SOCS5: variants seen among roughly 807,000 people sequenced by gnomAD.
The protein encoded by SOCS5 is suppressor of cytokine signaling 5, also known as CIS-6.
SOCS5 carries 32 observed loss-of-function variants against 42.8 expected under a neutral mutation model. The observed-to-expected ratio is 0.75, with a 90% CI of 0.56 to 1.01. The LOEUF (loss-of-function observed/expected upper bound fraction) is 1.01. SOCS5 is among the 50% of genes least tolerant of loss of function. The pLI is 0.00. For missense variants in SOCS5, 627 were observed against 653.0 expected (o/e 0.96, Z 0.43); for synonymous variants, 283 against 229.6 (o/e 1.23, Z -2.10).
intron 1 of SOCS5, among the ~76,000 whole-genome samples, chr2:46,744,828 G>A (rs1472711839): frequency 3.3e-5 from 5 of 151,314 alleles, no homozygotes; most frequent in Non-Finnish European, 7.4e-5. Context: ...GCGCCCGGCT[G>A]TAATCGAGAT....
At chr2:46,747,878 A>G (rs1196612367) in intron 1 of SOCS5, among the ~76,000 whole-genome samples, 1 of 152,230 alleles carries the variant, frequency 6.6e-6, no homozygotes, top group Non-Finnish European at 1.5e-5. Flanking sequence ...GAATATTTAA[A>G]AAATCTTTTC....
At chr2:46,732,473 C>T (rs1021949270) in intron 1 of SOCS5, among the ~76,000 whole-genome samples, 1 of 152,164 alleles carries the variant, frequency 6.6e-6, no homozygotes, top group Non-Finnish European at 1.5e-5. Flanking sequence ...CCAGAAAACT[C>T]CTATGTAGTT....
Position 46,759,802 on chromosome 2 carries a change from A to G in SOCS5, c.1272A>G (p.Arg424=), listed in dbSNP as rs1438666065. ...CTGTGAGCTTCCGCCGCTACAACAGATCCCTGCATGCCCGAATTGAGCAGT... is the reference window on the plus strand; with the variant it reads ...CTGTGAGCTTCCGCCGCTACAACAGGTCCCTGCATGCCCGAATTGAGCAGT... The part of the protein sequence containing the change: ...LFSVSFRRYN[R]SLHARIEQWN... The change falls in exon 2 of 2, where the codon AGA becomes AGG. Residue 424 remains arginine, a synonymous_variant. Transcript: ENST00000394861. The G allele has an allele frequency of 2.5e-6, 4 of 1,614,070 alleles. No individual in the cohort carries two copies. Among genetic ancestry groups the G allele is most frequent in the Non-Finnish European group, 2.5e-6 (3 of 1,180,008 alleles).
chr2:46,733,568 CAAAAAAAAAAAAGAA>C (rs1673175773), intron 1 of SOCS5, among the ~76,000 whole-genome samples: 1 of 58,460 alleles, frequency 1.7e-5, no homozygotes, highest in Non-Finnish European at 3.4e-5. Context: ...GACCCTGTCT[CAAAAAAAAAAAAGAA>C]AAAAAAAAAA....
intron 1 of SOCS5, among the ~76,000 whole-genome samples, chr2:46,712,055 G>A (rs1421735183): frequency 6.6e-6 from 1 of 151,900 alleles, no homozygotes; most frequent in Non-Finnish European, 1.5e-5. Flanking sequence ...CTTTTTTTAG[G>A]TATTGTACAT....
chr2:46,736,842 AT>A (rs113762422), intron 1 of SOCS5, among the ~76,000 whole-genome samples: 28,705 of 146,850 alleles, frequency 0.2, 3,002 homozygotes, highest in East Asian at 0.43. Flanking sequence ...TGGATTTCAG[AT>A]TTTTTTTTTT....
chr2:46,715,079 C>G (rs1023027327), intron 1 of SOCS5, among the ~76,000 whole-genome samples: 65 of 152,062 alleles, frequency 4.3e-4, no homozygotes, highest in African/African-American at 1.4e-3. Flanking sequence ...AGGCAGTTAC[C>G]TTTTCAAGCA....
In SOCS5 at chr2:46,714,218, A is replaced by G. The variant is rs148920731; in HGVS notation, c.-13+14769A>G. Reference sequence around the variant, plus strand: ...TGATTTTCTGTCTGTGGTTCTGTCAACTATTGTGAGAGGAGGGTTGAAGTT... The same window carrying G: ...TGATTTTCTGTCTGTGGTTCTGTCAGCTATTGTGAGAGGAGGGTTGAAGTT... On this transcript the variant is annotated intron_variant, in intron 1 of 1. Coordinates refer to ENST00000394861, the MANE Select transcript of SOCS5 (RefSeq NM_144949.3). Among the ~76,000 whole-genome samples, 607 of 152,288 alleles carry G rather than the reference A, an allele frequency of 4.0e-3. 3 individuals carry two copies. Among genetic ancestry groups the G allele is most frequent in the African/African-American group, 0.014 (577 of 41,566 alleles).
intron 1 of SOCS5, among the ~76,000 whole-genome samples, chr2:46,707,847 T>C (rs967688216): frequency 6.6e-6 from 1 of 152,224 alleles, no homozygotes; most frequent in African/African-American, 2.4e-5. Context: ...ATGCATTTAA[T>C]ATGCCTAACC....
intron 1 of SOCS5, among the ~76,000 whole-genome samples, chr2:46,725,490 C>G (rs991472205): frequency 6.6e-6 from 1 of 151,980 alleles, no homozygotes; most frequent in Non-Finnish European, 1.5e-5. Context: ...TTTTAGTACT[C>G]TATTTTAACA....
At chr2:46,728,333 C>T (rs553995942) in intron 1 of SOCS5, among the ~76,000 whole-genome samples, 1 of 152,222 alleles carries the variant, frequency 6.6e-6, no homozygotes, top group Admixed American at 6.5e-5. Context: ...AGTGTTTTTA[C>T]TCTATCTTGG....
intron 1 of SOCS5, among the ~76,000 whole-genome samples, chr2:46,727,249 C>T (rs558860279): frequency 4.0e-5 from 6 of 148,680 alleles, no homozygotes; most frequent in Non-Finnish European, 7.4e-5. Context: ...CCCGGGTTCA[C>T]GCCATTCTCC....
chr2:46,739,025 T>C (rs1038438374), intron 1 of SOCS5, among the ~76,000 whole-genome samples: 2 of 152,268 alleles, frequency 1.3e-5, no homozygotes. Context: ...TTGAACTATT[T>C]AACACGTTTA....
intron 1 of SOCS5, among the ~76,000 whole-genome samples, chr2:46,753,843 A>T (rs1294534780): frequency 6.6e-6 from 1 of 152,164 alleles, no homozygotes; most frequent in Non-Finnish European, 1.5e-5. Context: ...GGCATTTATA[A>T]GCTGTCATGG....
chr2:46,723,175 A>AT (rs1009453806), intron 1 of SOCS5, among the ~76,000 whole-genome samples: 10 of 151,614 alleles, frequency 6.6e-5, no homozygotes, highest in East Asian at 3.9e-4. Flanking sequence ...CCAGTTCATA[A>AT]TTTTTTTTTC....
intron 1 of SOCS5, among the ~76,000 whole-genome samples, chr2:46,722,651 G>A (rs1279844100): frequency 6.6e-6 from 1 of 152,056 alleles, no homozygotes; most frequent in Non-Finnish European, 1.5e-5. Context: ...TTTATATATG[G>A]GTTTTTGTGT....
intron 1 of SOCS5, among the ~76,000 whole-genome samples, chr2:46,726,801 G>T (rs1396225626): frequency 1.3e-5 from 2 of 150,986 alleles, no homozygotes; most frequent in African/African-American, 2.4e-5. Flanking sequence ...TTGTTGCCCA[G>T]GCTGGAGTGC....
At chr2:46,722,744 A>G (rs2103714607) in intron 1 of SOCS5, among the ~76,000 whole-genome samples, 1 of 152,242 alleles carries the variant, frequency 6.6e-6, no homozygotes, top group East Asian at 1.9e-4. Context: ...TAACTTTATC[A>G]AGAGTTGCCA....
chr2:46,761,610 T>C lies in SOCS5; in HGVS notation c.*1469T>C, dbSNP rs1365416729. 4.8e-5 allele frequency: 8 copies of C among 167,046 alleles called. No homozygotes were observed. Among genetic ancestry groups the C allele is most frequent in the Admixed American group, 4.6e-4 (7 of 15,284 alleles). 10.3% of individuals were successfully genotyped at this position (167,046 alleles called of 1,614,324 possible). ...TAATAAAGTATGTTTGGTGTTCTCC[T>C]TGTATATCTGCTGTTTTATACATTT... is the stretch of plus-strand genomic sequence containing the variant. On this transcript the variant is annotated 3_prime_UTR_variant, in exon 2 of 2. Coordinates refer to ENST00000394861, the MANE Select transcript of SOCS5 (RefSeq NM_144949.3).
Sources: gnomAD v4.1 joint callset for allele counts (sites outside exome capture counted in the v4.1 genomes callset) on GRCh38, gnomAD v4.1.1 for gene constraint, MANE v1.5 for transcripts, NCBI Gene and HGNC (gene_info 2026-07-23, HGNC 2026-07-21) for gene names.